The following LONP2 variants were observed in gnomAD, a reference collection of about 807,000 sequenced individuals.
LONP2 encodes lon protease homolog 2, peroxisomal.
LONP2 carries 60 observed loss-of-function variants against 85.6 expected under a neutral mutation model. The ratio of observed to expected loss-of-function variants is 0.70; its 90% CI spans 0.57 to 0.87. LONP2 has a LOEUF of 0.87. Ranked by LOEUF, LONP2 falls within the 40% of genes least tolerant of loss-of-function variation. The pLI is 0.00. For synonymous variants in LONP2, 395 were observed against 389.7 expected, an observed-to-expected ratio of 1.01 and a Z score of -0.16; for missense variants, 860 against 1,063.5, an observed-to-expected ratio of 0.81 and a Z score of 2.66.
chr16:48,273,629 A>C (rs1207045336), intron 7 of LONP2, among the ~76,000 whole-genome samples: 4 of 152,204 alleles, frequency 2.6e-5, no homozygotes, highest in Admixed American at 6.5e-5. Flanking sequence ...CAGTTTTAAC[A>C]ACTTAAATTT....
intron 11 of LONP2, among the ~76,000 whole-genome samples, chr16:48,319,153 G>A (rs576545790): frequency 6.6e-6 from 1 of 152,246 alleles, no homozygotes; most frequent in Non-Finnish European, 1.5e-5. Context: ...GCCGAGGCAG[G>A]CAGATCACTT....
rs189894366 is a variant in LONP2, at chr16:48,248,456, T to A, written c.234-3675T>A. Among the ~76,000 whole-genome samples, 87 of 152,144 alleles carry A rather than the reference T, an allele frequency of 5.7e-4. No homozygotes were observed. In the East Asian group the frequency reaches 0.016, roughly 28 times the overall value. On this transcript the variant is annotated intron_variant, in intron 1 of 14. Coordinates refer to ENST00000285737, the MANE Select transcript of LONP2 (RefSeq NM_031490.5). ...TTTTTGAATCTCATTTACTCACTTGTAATAAGGAAATAATACTACCTTCTT... is the reference window on the plus strand; with the variant it reads ...TTTTTGAATCTCATTTACTCACTTGAAATAAGGAAATAATACTACCTTCTT...
rs1217336880 is a variant in LONP2, at chr16:48,296,173, A to C, written c.1534+8A>C. On this transcript the variant is annotated splice_region_variant and intron_variant, in intron 9 of 14. Transcript: ENST00000285737. ...AGATCATTCAGGTTCCAGGTACCTG[A>C]CTCTTAAATCATTATGATACATCTT... The C allele has an allele frequency of 1.2e-6, 2 of 1,613,304 alleles. No individual in the cohort carries two copies. Among genetic ancestry groups the C allele is most frequent in the African/African-American group, 2.7e-5 (2 of 74,828 alleles).
chr16:48,357,372 C>T (rs1341367575), downstream of LONP2: 2 of 152,180 alleles, frequency 1.3e-5, no homozygotes, highest in African/African-American at 4.8e-5. Flanking sequence ...GGATCATAAG[C>T]AGTAAACTAC....
chr16:48,336,566 TG>T, intron 12 of LONP2: 1 of 389,158 alleles, frequency 2.6e-6, no homozygotes. Context: ...AGGATTTGGG[TG>T]GGTAGTGGAA....
intron 8 of LONP2, among the ~76,000 whole-genome samples, chr16:48,293,178 C>G (rs957036612): frequency 2.0e-5 from 3 of 152,116 alleles, no homozygotes; most frequent in African/African-American, 7.2e-5. Flanking sequence ...CCTGTAATCC[C>G]AGCACTTTGG....
intron 11 of LONP2, among the ~76,000 whole-genome samples, chr16:48,313,769 A>G (rs1448568012): frequency 6.6e-6 from 1 of 152,126 alleles, no homozygotes; most frequent in East Asian, 1.9e-4. Flanking sequence ...TGCTATTGTG[A>G]ATAGTGCTGC....
chr16:48,329,966 T>G (rs376642144), intron 11 of LONP2, among the ~76,000 whole-genome samples: 7 of 152,172 alleles, frequency 4.6e-5, no homozygotes, highest in African/African-American at 1.7e-4. Context: ...TAAGGATAGA[T>G]TGCTGCAAAA....
intron 12 of LONP2, among the ~76,000 whole-genome samples, chr16:48,339,261 G>A (rs1161606505): frequency 6.6e-6 from 1 of 152,152 alleles, no homozygotes; most frequent in Admixed American, 6.5e-5. Context: ...AGACAGAAGA[G>A]GAGAGTATTT....
At chr16:48,347,388 G>T in intron 12 of LONP2, 119 bp from the exon 13 acceptor site, 1 of 875,322 alleles carries the variant, frequency 1.1e-6, no homozygotes, top group Non-Finnish European at 1.9e-6. Context: ...TAGGTAACAA[G>T]GACTTTGAGG....
intron 11 of LONP2, among the ~76,000 whole-genome samples, chr16:48,330,830 A>G (rs1567345408): frequency 6.6e-6 from 1 of 152,184 alleles, no homozygotes; most frequent in Non-Finnish European, 1.5e-5. Flanking sequence ...TTTTAATAAC[A>G]CAGCTGCTGT....
intron 6 of LONP2, among the ~76,000 whole-genome samples, chr16:48,264,520 C>G (rs896638859): frequency 6.6e-6 from 1 of 152,178 alleles, no homozygotes; most frequent in African/African-American, 2.4e-5. Context: ...TGTTCTTTTT[C>G]CACGGTGCTC....
chr16:48,270,042 A>T lies in LONP2; in HGVS notation c.1009A>T (p.Ile337Phe), dbSNP rs1352284863. 1 of 1,613,818 alleles carries T rather than the reference A, an allele frequency of 6.2e-7. No homozygotes were observed. Among genetic ancestry groups the T allele is most frequent in the African/African-American group, 1.3e-5 (1 of 74,922 alleles). Residue 337 changes from isoleucine (I) to phenylalanine (F), a missense_variant, in exon 7 of 15, where the codon ATT (isoleucine) becomes TTT (phenylalanine). Physicochemically the swap from Ile to Phe is conservative, Grantham distance 21. This residue lies in a region of LONP2 where 743 missense variants were observed against 917.3 expected (regional missense o/e 0.81). Transcript: ENST00000285737. ...CCGCCTGGACATTAGGGCAGCCCGG[A>T]TTCTTCTGGATAATGACCATTACGC... is the stretch of plus-strand genomic sequence containing the variant. ...TDRLDIRAARILLDNDHYAME... is the reference protein window; with the variant it reads ...TDRLDIRAARFLLDNDHYAME...
chr16:48,322,946 T>G lies in LONP2; in HGVS notation c.1796-11270T>G, dbSNP rs1197471205. Among the ~76,000 whole-genome samples, 10 of 152,222 alleles carry G rather than the reference T, an allele frequency of 6.6e-5. No homozygotes were observed. In the South Asian group the frequency reaches 1.7e-3, roughly 25 times the overall value. ...CTACAACATCACTAGGCAATAGGAA[T>G]CTTTCAGGTCCGTTGTTGTCTTCTG... On this transcript the variant is annotated intron_variant, in intron 11 of 14. Transcript: ENST00000285737.
chr16:48,318,185 A>G (rs1973185587), intron 11 of LONP2, among the ~76,000 whole-genome samples: 1 of 152,098 alleles, frequency 6.6e-6, no homozygotes, highest in South Asian at 2.1e-4. Flanking sequence ...AACTAGCATA[A>G]AGCATGCTTA....
At chr16:48,303,711 T>C (rs1393603136) in intron 11 of LONP2, among the ~76,000 whole-genome samples, 1 of 152,078 alleles carries the variant, frequency 6.6e-6, no homozygotes, top group Non-Finnish European at 1.5e-5. Context: ...ATCTCAAAAG[T>C]AGGGAAGCCG....
At chr16:48,300,544 C>T (rs1225250929) in intron 10 of LONP2, among the ~76,000 whole-genome samples, 1 of 152,230 alleles carries the variant, frequency 6.6e-6, no homozygotes, top group African/African-American at 2.4e-5. Flanking sequence ...AAGCTCTCCT[C>T]TTGCGGCCCT....
At chr16:48,251,208 C>T (rs181324279) in intron 1 of LONP2, among the ~76,000 whole-genome samples, 9 of 152,242 alleles carry the variant, frequency 5.9e-5, no homozygotes, top group Non-Finnish European at 1.2e-4. Context: ...CTTCTATTAC[C>T]GCTTTCCTAG....
downstream of LONP2, chr16:48,362,092 C>G (rs1433107518): frequency 1.9e-6 from 3 of 1,614,176 alleles, no homozygotes; most frequent in Non-Finnish European, 2.5e-6. This position sits in a 1 kb window ranked among gnomAD's most constrained non-coding sequence, Gnocchi z 4.2. Context: ...TCTGCTTTTT[C>G]TGTGTGTGGC....
Sources: gnomAD v4.1 joint callset for allele counts (sites outside exome capture counted in the v4.1 genomes callset) on GRCh38, gnomAD v4.1.1 for gene constraint, gnomAD v4.1.1 regional missense constraint, Gnocchi (gnomAD v3.1) non-coding constraint, MANE v1.5 for transcripts, NCBI Gene and HGNC (gene_info 2026-07-23, HGNC 2026-07-21) for gene names.